Variants in SGMS1 observed in about 807,000 individuals in gnomAD.
SGMS1 encodes phosphatidylcholine:ceramide cholinephosphotransferase 1.
A neutral mutation model predicts 46.2 loss-of-function variants in SGMS1; 13 were observed. That is an observed-to-expected ratio of 0.28 (90% CI 0.18 to 0.45). The LOEUF is 0.45. SGMS1 is among the 20% of genes least tolerant of loss of function. The pLI is 1.00. For missense variants in SGMS1, 324 were observed against 519.9 expected, an observed-to-expected ratio of 0.62 and a Z score of 3.66; for synonymous variants, 203 against 187.8, an observed-to-expected ratio of 1.08 and a Z score of -0.66.
chr10:50,446,475 C>T (rs1217304809), intron 5 of SGMS1, among the ~76,000 whole-genome samples: 6 of 152,162 alleles, frequency 3.9e-5, no homozygotes, highest in Admixed American at 3.9e-4. Flanking sequence ...CACAAAAAGA[C>T]ATACAATAAT....
At chr10:50,526,095 T>C (rs2133796022) in intron 2 of SGMS1, among the ~76,000 whole-genome samples, 1 of 152,260 alleles carries the variant, frequency 6.6e-6, no homozygotes. Flanking sequence ...ACGTGTGTAT[T>C]AGTCTGTTCT....
intron 1 of SGMS1, among the ~76,000 whole-genome samples, chr10:50,620,424 C>T (rs1838838533): frequency 6.6e-6 from 1 of 152,194 alleles, no homozygotes; most frequent in Non-Finnish European, 1.5e-5. Flanking sequence ...AAAGGCATAG[C>T]CATCTATAAC....
intron 6 of SGMS1, among the ~76,000 whole-genome samples, chr10:50,409,462 T>C (rs1230623126): frequency 6.6e-6 from 1 of 152,204 alleles, no homozygotes; most frequent in Non-Finnish European, 1.5e-5. Context: ...TCTACAGTCT[T>C]CCCAAGACCA....
At chr10:50,591,425 C>T (rs1183664993) in intron 1 of SGMS1, among the ~76,000 whole-genome samples, 17 of 152,052 alleles carry the variant, frequency 1.1e-4, no homozygotes, top group Non-Finnish European at 1.5e-4. Context: ...GGGAGGCAGC[C>T]GGGCACTGCA....
At chr10:50,532,397 T>C (rs544047939) in intron 2 of SGMS1, among the ~76,000 whole-genome samples, 1 of 152,222 alleles carries the variant, frequency 6.6e-6, no homozygotes, top group Non-Finnish European at 1.5e-5. Context: ...TCTTACTTGT[T>C]TGCATCAATT....
At chr10:50,325,991 A>G (rs1847524486) in intron 8 of SGMS1, among the ~76,000 whole-genome samples, 1 of 152,046 alleles carries the variant, frequency 6.6e-6, no homozygotes, top group South Asian at 2.1e-4. Flanking sequence ...TTTTACAGAC[A>G]ATAAAAACGA....
intron 6 of SGMS1, among the ~76,000 whole-genome samples, chr10:50,402,709 A>T (rs1338585168): frequency 6.6e-6 from 1 of 151,754 alleles, no homozygotes; most frequent in Admixed American, 6.6e-5. Flanking sequence ...AGCCATTTGT[A>T]TACTCAATTT....
chr10:50,556,272 G>A (rs1448807977), intron 2 of SGMS1, among the ~76,000 whole-genome samples: 2 of 152,190 alleles, frequency 1.3e-5, no homozygotes, highest in Non-Finnish European at 1.5e-5. Flanking sequence ...TTGCAGCACT[G>A]AAGATAAAGC....
rs556373600 is a variant in SGMS1 at position 50,587,977 on chromosome 10, A to C, written c.-589+2176T>G. On this transcript the variant is annotated intron_variant, in intron 2 of 10. Transcript: ENST00000361781. ...CTTCAGTAGAAAGTTTTTTAAAATC[A>C]CCATATCTCAGTGGTCTAGGACTAG... is the stretch of plus-strand genomic sequence containing the variant. Among the ~76,000 whole-genome samples, 8 of 151,958 alleles carry C rather than the reference A, an allele frequency of 5.3e-5. No homozygotes were observed. The South Asian group carries it at 1.7e-3, about 32-fold the overall frequency.
chr10:50,579,703 C>A (rs574889948), intron 2 of SGMS1, among the ~76,000 whole-genome samples: 3 of 152,250 alleles, frequency 2.0e-5, no homozygotes, highest in African/African-American at 7.2e-5. Flanking sequence ...AAAAGTCTTA[C>A]CTCCCATATG....
At chr10:50,431,483 A>G (rs1849403457) in intron 6 of SGMS1, among the ~76,000 whole-genome samples, 1 of 152,208 alleles carries the variant, frequency 6.6e-6, no homozygotes, top group Admixed American at 6.5e-5. Flanking sequence ...TTACTTAGCA[A>G]TTTCAGGGTT....
At chr10:50,449,008 T>C (rs962673460) in intron 5 of SGMS1, among the ~76,000 whole-genome samples, 1 of 152,162 alleles carries the variant, frequency 6.6e-6, no homozygotes, top group Non-Finnish European at 1.5e-5. Context: ...CAACATGACA[T>C]ACCACTACAT....
intron 6 of SGMS1, among the ~76,000 whole-genome samples, chr10:50,366,739 A>C (rs1848352221): frequency 6.6e-6 from 1 of 151,972 alleles, no homozygotes; most frequent in South Asian, 2.1e-4. Flanking sequence ...CTCATAAGTG[A>C]GAGTTGAACA....
intron 1 of SGMS1, among the ~76,000 whole-genome samples, chr10:50,612,193 G>T (rs1838756353): frequency 6.6e-6 from 1 of 152,190 alleles, no homozygotes; most frequent in Non-Finnish European, 1.5e-5. Context: ...CACCTGCCAA[G>T]CTTAGCTGAG....
chr10:50,571,993 C>T (rs902166994), intron 2 of SGMS1, among the ~76,000 whole-genome samples: 1 of 152,100 alleles, frequency 6.6e-6, no homozygotes, highest in African/African-American at 2.4e-5. Flanking sequence ...TGAAGACCAA[C>T]AAAGGAAAAT....
At chr10:50,622,480 C>G (rs1838862900) in intron 1 of SGMS1, among the ~76,000 whole-genome samples, 1 of 152,162 alleles carries the variant, frequency 6.6e-6, no homozygotes, top group African/African-American at 2.4e-5. Context: ...ATCCAGGGAG[C>G]CAACTAGAAA....
intron 9 of SGMS1, among the ~76,000 whole-genome samples, chr10:50,308,964 A>C (rs2133269536): frequency 6.6e-6 from 1 of 152,366 alleles, no homozygotes; most frequent in East Asian, 1.9e-4. Flanking sequence ...TGAGCCTCTT[A>C]CATGCCAGGG....
chr10:50,445,618 G>A (rs893955429), intron 5 of SGMS1, among the ~76,000 whole-genome samples: 6 of 152,040 alleles, frequency 3.9e-5, no homozygotes, highest in African/African-American at 4.8e-5. Flanking sequence ...GATTTCCTAC[G>A]CCTGTCTTTA....
intron 1 of SGMS1, among the ~76,000 whole-genome samples, chr10:50,620,181 C>A (rs1838836107): frequency 1.3e-5 from 2 of 152,264 alleles, no homozygotes; most frequent in Admixed American, 6.5e-5. Context: ...CCCTGACATC[C>A]AATGCTGCCT....
Sources: allele counts gnomAD v4.1 joint callset (sites outside exome capture counted in the v4.1 genomes callset), GRCh38; gene constraint gnomAD v4.1.1; transcripts MANE v1.5; gene names NCBI Gene and HGNC (gene_info 2026-07-23, HGNC 2026-07-21).